Variants in CDH7 observed in about 807,000 individuals in gnomAD.
The protein encoded by CDH7 is cadherin-7.
In CDH7, 25 loss-of-function variants were observed where a neutral mutation model predicts 71.8. The observed-to-expected ratio is 0.35, with a 90% CI of 0.25 to 0.49. The LOEUF (loss-of-function observed/expected upper bound fraction) is 0.49. Among genes scored for constraint, CDH7 ranks in the 20% least tolerant of loss-of-function variants. The pLI is 0.99. For synonymous variants in CDH7, 381 were observed against 363.8 expected (o/e 1.05, Z -0.54); for missense variants, 862 against 974.6 (o/e 0.88, Z 1.54).
At chr18:65,799,839 T>G (rs554483873) in intron 2 of CDH7, among the ~76,000 whole-genome samples, 3 of 152,198 alleles carry the variant, frequency 2.0e-5, no homozygotes, top group Admixed American at 2.0e-4. Flanking sequence ...AAAAGGAAAT[T>G]GTTTGCCCTC....
chr18:65,781,884 C>T (rs1449896856), intron 2 of CDH7, among the ~76,000 whole-genome samples: 1 of 109,770 alleles, frequency 9.1e-6, no homozygotes, highest in Non-Finnish European at 1.8e-5. Flanking sequence ...CTCTCTGTCT[C>T]TCTCTCTCTT....
At chr18:65,803,784 G>A (rs898629826) in intron 2 of CDH7, 1 of 149,848 alleles carries the variant, frequency 6.7e-6, no homozygotes, top group Non-Finnish European at 1.5e-5. Context: ...AAATTACCCT[G>A]TATGGGTTCT....
chr18:65,799,229 G>A (rs988460938), intron 2 of CDH7, among the ~76,000 whole-genome samples: 5 of 152,048 alleles, frequency 3.3e-5, no homozygotes, highest in Admixed American at 2.0e-4. Flanking sequence ...TTACACCTAC[G>A]AGGATTGTGA....
At chr18:65,853,894 A>T (rs1408801389) in intron 7 of CDH7, among the ~76,000 whole-genome samples, 1 of 121,682 alleles carries the variant, frequency 8.2e-6, no homozygotes, top group Middle Eastern at 4.3e-3. Flanking sequence ...AAATGATAAC[A>T]TCATAAATTA....
chr18:65,787,288 A>G (rs1438682559), intron 2 of CDH7, among the ~76,000 whole-genome samples: 2 of 152,230 alleles, frequency 1.3e-5, no homozygotes, highest in Non-Finnish European at 2.9e-5. Context: ...AAGGATTATT[A>G]GAACTTGATT....
intron 2 of CDH7, among the ~76,000 whole-genome samples, chr18:65,772,704 G>C (rs944999050): frequency 2.6e-5 from 4 of 152,122 alleles, no homozygotes; most frequent in African/African-American, 9.6e-5. Flanking sequence ...CCTTAGAACA[G>C]TGATTTTTAC....
At position 65,824,554 on chromosome 18, in the gene CDH7, G is replaced by A. The variant is rs562991864; in HGVS notation, c.794-90G>A. 6.8e-5 allele frequency: 52 copies of A among 761,318 alleles called. No homozygotes were observed. In the South Asian group the frequency reaches 1.4e-3, roughly 21 times the overall value. The allele number at this position is 761,318 out of a possible 1,614,324, so 47.2% of individuals were successfully genotyped here. ...TTTTATTAAAAAATAAAAAGAAGTT[G>A]TGCTACAATGATGCCAAAATAACCC... is the stretch of plus-strand genomic sequence containing the variant. On this transcript the variant is annotated intron_variant, in intron 5 of 11. Coordinates refer to ENST00000397968, the MANE Select transcript of CDH7 (RefSeq NM_004361.5).
Position 65,862,756 on chromosome 18 carries a change from G to A in CDH7, c.1703G>A (p.Gly568Glu), listed in dbSNP as rs1913614726. 2.5e-5 allele frequency: 41 copies of A among 1,614,112 alleles called. No homozygotes were observed. Among genetic ancestry groups the A allele is most frequent in the South Asian group, 3.3e-5 (3 of 91,078 alleles). ...CTGCCAATTTTCATTGTGGACAGTG[G>A]ATCTCCCTCACTTAGCAGCACCAAC... ...YYLPIFIVDS[G>E]SPSLSSTNTL... The change falls in exon 11 of 12, where the codon GGA becomes GAA. Residue 568 changes from glycine (G) to glutamate (E), a missense_variant. Coordinates refer to ENST00000397968, the MANE Select transcript of CDH7 (RefSeq NM_004361.5).
intron 11 of CDH7, among the ~76,000 whole-genome samples, chr18:65,872,104 T>C (rs1192136374): frequency 6.6e-6 from 1 of 152,194 alleles, no homozygotes. Flanking sequence ...TATTTTCTTT[T>C]AAACTCGCTG....
intron 11 of CDH7, among the ~76,000 whole-genome samples, chr18:65,870,611 A>G (rs1262739410): frequency 6.6e-6 from 1 of 152,122 alleles, no homozygotes; most frequent in Non-Finnish European, 1.5e-5. Flanking sequence ...AGGAGGACCC[A>G]CAATGCGTTT....
Position 65,798,803 on chromosome 18 carries a change from C to T in CDH7, c.211-10901C>T, listed in dbSNP as rs370939313. Among the ~76,000 whole-genome samples, 21 of 152,214 alleles carry T rather than the reference C, an allele frequency of 1.4e-4. 1 individual carries two copies. The highest frequency in any genetic ancestry group is 4.8e-4 in the African/African-American group (20 of 41,548). ...CTTTGGTCAAGGTGGCTCTCTTCAA[C>T]TGAGGATGATTTTTGGAAAGGCCTT... On this transcript the variant is annotated intron_variant, in intron 2 of 11. Transcript: ENST00000397968.
chr18:65,870,209 T>C (rs1913887460), intron 11 of CDH7, among the ~76,000 whole-genome samples: 1 of 152,204 alleles, frequency 6.6e-6, no homozygotes, highest in Non-Finnish European at 1.5e-5. Context: ...ACTTGGATCA[T>C]ACCAATTATG....
chr18:65,781,788 T>TTTCTTTCTTTCTA (rs1568181346), intron 2 of CDH7, among the ~76,000 whole-genome samples: 12 of 67,974 alleles, frequency 1.8e-4, no homozygotes, highest in African/African-American at 4.0e-4. Flanking sequence ...CCTTCCTTCC[T>TTTCTTTCTTTCTA]TCCTTCCTTC....
chr18:65,811,163 G>C (rs555146955), intron 3 of CDH7, among the ~76,000 whole-genome samples: 1 of 141,638 alleles, frequency 7.1e-6, no homozygotes, highest in Non-Finnish European at 1.5e-5. Context: ...TTAACACATG[G>C]GTATTTTAAC....
At chr18:65,864,721 T>C (rs966167875) in intron 11 of CDH7, among the ~76,000 whole-genome samples, 5 of 151,236 alleles carry the variant, frequency 3.3e-5, no homozygotes, top group African/African-American at 2.4e-5. Context: ...ACCCTGTCTC[T>C]ACTAAAAATA....
chr18:65,832,364 G>GA, intron 6 of CDH7, among the ~76,000 whole-genome samples: 1 of 151,868 alleles, frequency 6.6e-6, no homozygotes. Flanking sequence ...ATATATATTT[G>GA]AAAAAAGAAT....
In CDH7 at chr18:65,859,830, T is replaced by A. The variant is rs770682789; in HGVS notation, c.1612+5T>A. On this transcript the variant is annotated splice_donor_5th_base_variant and intron_variant, in intron 10 of 11. Transcript: ENST00000397968. ...TTTCATTGAAAGATAACAAAGGTAA[T>A]GTATTAATATTGTTACCGATAGAGG... 37 of 1,482,404 alleles carry A rather than the reference T, an allele frequency of 2.5e-5. No homozygotes were observed. Among genetic ancestry groups the A allele is most frequent in the Admixed American group, 3.3e-5 (2 of 59,784 alleles). 91.8% of individuals were successfully genotyped at this position (1,482,404 alleles called of 1,614,324 possible). A position where few individuals can be genotyped will look rare whatever the true frequency, so the allele number is the denominator to read the frequency against.
chr18:65,881,140 A>G lies in CDH7; in HGVS notation c.*246A>G, dbSNP rs1914219489. The G allele has an allele frequency of 2.8e-6, 1 of 362,850 alleles. No individual in the cohort carries two copies. The highest frequency in any genetic ancestry group is 2.1e-5 in the African/African-American group (1 of 47,730). 22.5% of individuals were successfully genotyped at this position (362,850 alleles called of 1,614,324 possible). A position where few individuals can be genotyped will look rare whatever the true frequency, so the allele number is the denominator to read the frequency against. On this transcript the variant is annotated 3_prime_UTR_variant, in exon 12 of 12. Transcript: ENST00000397968. ...TGAGCATTTGAAGGTTTTTTGATAAAAATAAATGCTCAGTGGTTTGTGAAT... is the reference window on the plus strand; with the variant it reads ...TGAGCATTTGAAGGTTTTTTGATAAGAATAAATGCTCAGTGGTTTGTGAAT...
intron 2 of CDH7, among the ~76,000 whole-genome samples, chr18:65,784,509 C>G (rs770057906): frequency 6.6e-6 from 1 of 152,010 alleles, no homozygotes; most frequent in Non-Finnish European, 1.5e-5. Flanking sequence ...ATTATCTGAC[C>G]CACCATATAA....
Sources: gnomAD v4.1 joint callset for allele counts (sites outside exome capture counted in the v4.1 genomes callset) on GRCh38, gnomAD v4.1.1 for gene constraint, MANE v1.5 for transcripts, NCBI Gene and HGNC (gene_info 2026-07-23, HGNC 2026-07-21) for gene names.